Variants in ZNF528 observed in about 807,000 individuals in gnomAD.
The protein encoded by ZNF528 is zinc finger protein 528.
In ZNF528, 9 loss-of-function variants were observed where a neutral mutation model predicts 13.3. The ratio of observed to expected loss-of-function variants is 0.67; its 90% CI spans 0.41 to 1.18. ZNF528 has a LOEUF of 1.18. Ranked by LOEUF, ZNF528 falls within the 50% of genes most tolerant of loss-of-function variation. The pLI is 0.01. For synonymous variants in ZNF528, 264 were observed against 254.3 expected, an observed-to-expected ratio of 1.04 and a Z score of -0.36; for missense variants, 858 against 745.4, an observed-to-expected ratio of 1.15 and a Z score of -1.76.
chr19:52,408,203 T>A (rs2058883513), intron 6 of ZNF528: 1 of 151,510 alleles, frequency 6.6e-6, no homozygotes, highest in Admixed American at 6.6e-5. Context: ...TTTTCTGAGA[T>A]GGAGTCTCCT....
chr19:52,401,791 T>G (rs2058797851), intron 3 of ZNF528, 38 bp downstream of exon 3: 1 of 1,510,170 alleles, frequency 6.6e-7, no homozygotes, highest in African/African-American at 1.4e-5. Flanking sequence ...CCAAAATTAT[T>G]AACATCTGCT....
In ZNF528 at chr19:52,398,619, G is replaced by C; in HGVS notation, c.-137G>C. On this transcript the variant is annotated splice_region_variant and 5_prime_UTR_variant, in exon 2 of 7. Transcript: ENST00000360465. Reference sequence around the variant, plus strand: ...CCCATTAACAGAAGGCAAAGTAGAAGGTGAGTGAGGGGTTTGCAGAGGCAC... The same window carrying C: ...CCCATTAACAGAAGGCAAAGTAGAACGTGAGTGAGGGGTTTGCAGAGGCAC... The C allele has an allele frequency of 2.0e-6, 2 of 985,434 alleles. No homozygotes were observed. The highest frequency in any genetic ancestry group is 2.4e-6 in the Non-Finnish European group (2 of 829,918). The allele number at this position is 985,434 out of a possible 1,614,324, so 61.0% of individuals were successfully genotyped here.
chr19:52,405,120 G>A (rs2058839511), intron 4 of ZNF528, among the ~76,000 whole-genome samples: 1 of 151,784 alleles, frequency 6.6e-6, no homozygotes, highest in South Asian at 2.1e-4. Flanking sequence ...GGGAAGCTGA[G>A]GCTGGAGAAT....
intron 6 of ZNF528, chr19:52,413,025 C>T (rs1219379060): frequency 6.6e-6 from 1 of 152,170 alleles, no homozygotes; most frequent in Non-Finnish European, 1.5e-5. Flanking sequence ...ATTTCTGTGG[C>T]AGTGGCATGA....
intron 6 of ZNF528, chr19:52,414,139 C>T: frequency 1.4e-6 from 1 of 697,292 alleles, no homozygotes; most frequent in Non-Finnish European, 2.6e-6. Context: ...CTCTTCAGGG[C>T]ACTGACCTTA....
In ZNF528 at chr19:52,415,702, C is replaced by G. The variant is rs761241625; in HGVS notation, c.850C>G (p.Leu284Val). ...CDKVFRSSSK[L>V]AQHQRIHTGE... Reference sequence around the variant, plus strand: ...CAAGGTCTTTCGAAGCAGTTCAAAGCTTGCACAACATCAAAGAATTCATAC... The same window carrying G: ...CAAGGTCTTTCGAAGCAGTTCAAAGGTTGCACAACATCAAAGAATTCATAC... Residue 284 changes from leucine to valine, a missense_variant, in exon 7 of 7, where the codon CTT (leucine) becomes GTT (valine). Leu to Val is a conservative substitution (Grantham distance 32). Transcript: ENST00000360465. 6.8e-6 allele frequency: 11 copies of G among 1,614,156 alleles called. No homozygotes were observed. Among genetic ancestry groups the G allele is most frequent in the Non-Finnish European group, 8.5e-6 (10 of 1,180,010 alleles).
Position 52,417,322 on chromosome 19 carries a change from T to G in ZNF528, c.*583T>G. 4.3e-6 allele frequency: 1 copy of G among 231,286 alleles called. No homozygotes were observed. Among genetic ancestry groups the G allele is most frequent in the Non-Finnish European group, 8.5e-6 (1 of 117,104 alleles). 14.3% of individuals were successfully genotyped at this position (231,286 alleles called of 1,614,324 possible). A position where few individuals can be genotyped will look rare whatever the true frequency, so the allele number is the denominator to read the frequency against. The stretch of plus-strand genomic sequence containing the variant: ...GATGAAGGACATTGCCTTTTGAGAT[T>G]AAATATTGTCTGATTTAGAGAGCAT... On this transcript the variant is annotated 3_prime_UTR_variant, in exon 7 of 7. Transcript: ENST00000360465.
At position 52,405,962 on chromosome 19, in the gene ZNF528, G is replaced by A; in HGVS notation, c.71G>A (p.Cys24Tyr). 1 of 1,612,308 alleles carries A rather than the reference G, an allele frequency of 6.2e-7. No homozygotes were observed. Among genetic ancestry groups the A allele is most frequent in the Admixed American group, 1.7e-5 (1 of 59,978 alleles). The change falls in exon 5 of 7, where the codon TGC becomes TAC. Residue 24 changes from cysteine to tyrosine, a missense_variant. Cys to Tyr is a radical substitution (Grantham distance 194). Coordinates refer to ENST00000360465, the MANE Select transcript of ZNF528 (RefSeq NM_032423.3). ...GAGTTCTCTCAGGAAGAGTGGAAAT[G>A]CCTGGACCCTGCGCAGAGGACTTTA... The part of the protein sequence containing the change: ...AIEFSQEEWK[C>Y]LDPAQRTLYR...
In ZNF528 at chr19:52,417,117, A is replaced by T. The variant is rs1049179240; in HGVS notation, c.*378A>T. The T allele has an allele frequency of 4.3e-6, 1 of 233,220 alleles. No individual in the cohort carries two copies. Among genetic ancestry groups the T allele is most frequent in the African/African-American group, 2.3e-5 (1 of 44,012 alleles). 14.4% of individuals were successfully genotyped at this position (233,220 alleles called of 1,614,324 possible). A position where few individuals can be genotyped will look rare whatever the true frequency, so the allele number is the denominator to read the frequency against. On this transcript the variant is annotated 3_prime_UTR_variant, in exon 7 of 7. Transcript: ENST00000360465. ...CAACGGCTTGTAAATGACCAGTTTT[A>T]TTCAGGCTATAAAGCATTCAATTAT...
chr19:52,400,515 T>G (rs2058780510), intron 2 of ZNF528, among the ~76,000 whole-genome samples: 2 of 152,184 alleles, frequency 1.3e-5, no homozygotes, highest in South Asian at 4.1e-4. Context: ...TAAATCTAGT[T>G]ATTTATTTAT....
Position 52,401,662 on chromosome 19 carries a change from C to CTTTTTTT in ZNF528, c.-136-9_-136-3dup, listed in dbSNP as rs34244828. Reference sequence around the variant, plus strand: ...CAGTTTATTACCACATGAAGAATTGCTTTTTTTTTTTTTTTTTTTTAGGTT... The same window carrying CTTTTTTT: ...CAGTTTATTACCACATGAAGAATTGCTTTTTTTTTTTTTTTTTTTTTTTTTTTAGGTT... On this transcript the variant is annotated intron_variant, in intron 2 of 6. Coordinates refer to ENST00000360465, the MANE Select transcript of ZNF528 (RefSeq NM_032423.3). The CTTTTTTT allele has an allele frequency of 4.3e-5, 39 of 906,878 alleles. 1 individual carries two copies. Among genetic ancestry groups the CTTTTTTT allele is most frequent in the Admixed American group, 1.6e-4 (4 of 25,548 alleles). The allele number at this position is 906,878 out of a possible 1,614,324, so 56.2% of individuals were successfully genotyped here.
chr19:52,416,326 C>G lies in ZNF528; in HGVS notation c.1474C>G (p.Pro492Ala). The part of the protein sequence containing the change: ...SHHRIHTGEK[P>A]YKCNRCGKVF... ...TCATAGAATTCATACTGGAGAGAAG[C>G]CTTACAAATGTAACAGATGTGGCAA... The change falls in exon 7 of 7, where the codon CCT becomes GCT. Residue 492 changes from proline to alanine, a missense_variant. Transcript: ENST00000360465. 1.2e-6 allele frequency: 2 copies of G among 1,614,092 alleles called. No homozygotes were observed. The highest frequency in any genetic ancestry group is 1.7e-6 in the Non-Finnish European group (2 of 1,179,976).
chr19:52,415,011 C>G (rs757233202), intron 6 of ZNF528, 113 bp from the exon 7 acceptor site: 27 of 1,561,090 alleles, frequency 1.7e-5, no homozygotes, highest in Non-Finnish European at 2.3e-5. Context: ...CACACAATAC[C>G]CTGATACTCC....
intron 6 of ZNF528, chr19:52,414,533 G>A (rs1001958143): frequency 6.2e-5 from 34 of 549,076 alleles, no homozygotes; most frequent in Admixed American, 4.7e-4. Context: ...TGCATTCTTT[G>A]AACAATAGAC....
intron 2 of ZNF528, among the ~76,000 whole-genome samples, chr19:52,399,481 C>T (rs1294955078): frequency 1.3e-5 from 2 of 151,952 alleles, no homozygotes; most frequent in Non-Finnish European, 2.9e-5. Context: ...TGATGGCCTG[C>T]GCCTGTAATC....
intron 4 of ZNF528, among the ~76,000 whole-genome samples, chr19:52,404,880 T>A (rs565367715): frequency 4.4e-4 from 66 of 150,888 alleles, no homozygotes; most frequent in Admixed American, 9.9e-4. Context: ...ATTACAAGCA[T>A]GAGCCACCAC....
Position 52,415,769 on chromosome 19 carries a change from T to G in ZNF528, c.917T>G (p.Phe306Cys), listed in dbSNP as rs138936351. The change falls in exon 7 of 7, where the codon TTC becomes TGC. Residue 306 changes from phenylalanine to cysteine, a missense_variant. By Grantham distance (205) the Phe-to-Cys change is radical. Coordinates refer to ENST00000360465, the MANE Select transcript of ZNF528 (RefSeq NM_032423.3). ...PYKCHECDKV[F>C]NQIAHLVRHQ... ...AAATGTCATGAATGTGACAAGGTCTTCAATCAAATTGCACACCTTGTACGA... is the reference window on the plus strand; with the variant it reads ...AAATGTCATGAATGTGACAAGGTCTGCAATCAAATTGCACACCTTGTACGA... 101 of 1,614,122 alleles carry G rather than the reference T, an allele frequency of 6.3e-5. No individual in the cohort carries two copies. The East Asian group carries it at 2.2e-3, about 35-fold the overall frequency.
chr19:52,416,192 G>A lies in ZNF528; in HGVS notation c.1340G>A (p.Arg447Lys), dbSNP rs765967130. 1.2e-6 allele frequency: 2 copies of A among 1,613,822 alleles called. No individual in the cohort carries two copies. Among genetic ancestry groups the A allele is most frequent in the East Asian group, 2.2e-5 (1 of 44,862 alleles). ...TGTAATAAATGTGGCACAGCGTTTA[G>A]AGAGTTTTCAGACCTTACTGCCCAT... ...YKCNKCGTAF[R>K]EFSDLTAHFL... Residue 447 changes from arginine to lysine, a missense_variant, in exon 7 of 7, where the codon AGA becomes AAA. By Grantham distance (26) the Arg-to-Lys change is conservative. Coordinates refer to ENST00000360465, the MANE Select transcript of ZNF528 (RefSeq NM_032423.3).
chr19:52,398,503 A>G lies in ZNF528; in HGVS notation c.-253A>G. On this transcript the variant is annotated 5_prime_UTR_variant, in exon 2 of 7. Transcript: ENST00000360465. ...CTTCCGGAAGTGGGCATCTTATTCC[A>G]ATCCCCTCCCTGTGAATGTGTGGAG... 4.4e-6 allele frequency: 4 copies of G among 904,290 alleles called. No individual in the cohort carries two copies. The highest frequency in any genetic ancestry group is 5.3e-6 in the Non-Finnish European group (4 of 755,740). The allele number at this position is 904,290 out of a possible 1,614,324, so 56.0% of individuals were successfully genotyped here.
Sources: allele counts gnomAD v4.1 joint callset (sites outside exome capture counted in the v4.1 genomes callset), GRCh38; gene constraint gnomAD v4.1.1; transcripts MANE v1.5; gene names NCBI Gene and HGNC (gene_info 2026-07-23, HGNC 2026-07-21).